The following PRKCA variants were observed in gnomAD, a reference collection of about 807,000 sequenced individuals.
The protein encoded by PRKCA is protein kinase C alpha.
A neutral mutation model predicts 87.0 loss-of-function variants in PRKCA; 27 were observed. The ratio of observed to expected loss-of-function variants is 0.31; its 90% CI spans 0.23 to 0.43. The LOEUF is 0.43. Ranked by LOEUF, PRKCA falls within the 20% of genes least tolerant of loss-of-function variation. The pLI, the probability that PRKCA is intolerant of heterozygous loss-of-function variation, is 1.00. For synonymous variants in PRKCA, 329 were observed against 311.1 expected, an observed-to-expected ratio of 1.06 and a Z score of -0.61; for missense variants, 518 against 852.3, an observed-to-expected ratio of 0.61 and a Z score of 4.88.
chr17:66,337,623 C>A (rs1238778325), intron 2 of PRKCA, among the ~76,000 whole-genome samples: 1 of 151,998 alleles, frequency 6.6e-6, no homozygotes, highest in Non-Finnish European at 1.5e-5. Flanking sequence ...CGGTCTTAAG[C>A]AATCCACCTG....
intron 5 of PRKCA, among the ~76,000 whole-genome samples, chr17:66,666,398 G>T (rs1972043946): frequency 6.6e-6 from 1 of 152,200 alleles, no homozygotes. Flanking sequence ...CTGTGTCATA[G>T]GCTCTGCTGA....
chr17:66,494,521 C>T (rs1326935578), intron 2 of PRKCA, among the ~76,000 whole-genome samples: 1 of 152,176 alleles, frequency 6.6e-6, no homozygotes, highest in East Asian at 1.9e-4. Flanking sequence ...AGGGCAAAGC[C>T]CTCATGGTGG....
rs561133219 is a variant in PRKCA, at chr17:66,574,385, T to C, written c.289-66970T>C. ...ACCTCTAACCCTCAGTCAGTCTCTA[T>C]ATTTTTAAATGGGGACGACAATAAT... On this transcript the variant is annotated intron_variant, in intron 3 of 16. Coordinates refer to ENST00000413366, the MANE Select transcript of PRKCA (RefSeq NM_002737.3). 2.0e-5 allele frequency among the ~76,000 whole-genome samples: 3 copies of C among 152,308 alleles called. No homozygotes were observed. The South Asian group carries it at 6.2e-4, about 32-fold the overall frequency.
chr17:66,664,652 T>TTG (rs1971998450), intron 5 of PRKCA, among the ~76,000 whole-genome samples: 1 of 127,604 alleles, frequency 7.8e-6, no homozygotes, highest in African/African-American at 3.7e-5. Flanking sequence ...CTTTGGTTTT[T>TTG]TTTTTTTTTT....
intron 2 of PRKCA, among the ~76,000 whole-genome samples, chr17:66,354,532 AC>A (rs1164477080): frequency 6.6e-6 from 1 of 151,288 alleles, no homozygotes; most frequent in African/African-American, 2.4e-5. Flanking sequence ...GAAGATTAAA[AC>A]CCCTCTTCAT....
chr17:66,695,629 G>A (rs926302288), intron 8 of PRKCA, among the ~76,000 whole-genome samples: 4 of 152,134 alleles, frequency 2.6e-5, no homozygotes, highest in African/African-American at 4.8e-5. Context: ...AGCTAAAAGC[G>A]CCTTGGCCTT....
intron 2 of PRKCA, among the ~76,000 whole-genome samples, chr17:66,311,751 A>G (rs1415761276): frequency 6.6e-6 from 1 of 152,154 alleles, no homozygotes; most frequent in Non-Finnish European, 1.5e-5. Context: ...ATTTGGTGCT[A>G]TATACTTGTT....
chr17:66,776,598 GCACCT>G (rs1975055756), intron 14 of PRKCA, among the ~76,000 whole-genome samples: 1 of 152,144 alleles, frequency 6.6e-6, no homozygotes, highest in South Asian at 2.1e-4. Context: ...ATGAGCCACT[GCACCT>G]GGCCTAAGAC....
At position 66,676,952 on chromosome 17, in the gene PRKCA, T is replaced by C. The variant is rs771949716; in HGVS notation, c.530-10159T>C. 7.2e-5 allele frequency among the ~76,000 whole-genome samples: 11 copies of C among 152,282 alleles called. No homozygotes were observed. In the South Asian group the frequency reaches 2.3e-3, roughly 32 times the overall value. Reference sequence around the variant, plus strand: ...CAAAGCAGAAGGAACCTAAGGGAAGTAGAGCGTCCTTTTTTGTGTCACTTT... The same window carrying C: ...CAAAGCAGAAGGAACCTAAGGGAAGCAGAGCGTCCTTTTTTGTGTCACTTT... On this transcript the variant is annotated intron_variant, in intron 5 of 16. Transcript: ENST00000413366.
chr17:66,708,392 C>T (rs1398773919), intron 8 of PRKCA, among the ~76,000 whole-genome samples: 1 of 151,244 alleles, frequency 6.6e-6, no homozygotes, highest in Admixed American at 6.6e-5. Flanking sequence ...AGGTGCTGTG[C>T]GTATCTGGGC....
At chr17:66,540,347 C>T (rs1967940861) in intron 3 of PRKCA, among the ~76,000 whole-genome samples, 2 of 152,128 alleles carry the variant, frequency 1.3e-5, no homozygotes, top group South Asian at 2.1e-4. Flanking sequence ...AAAGAGGGGG[C>T]GGAGAGGGAG....
At chr17:66,407,580 C>T (rs1911490924) in intron 2 of PRKCA, among the ~76,000 whole-genome samples, 1 of 152,036 alleles carries the variant, frequency 6.6e-6, no homozygotes, top group African/African-American at 2.4e-5. Context: ...GACTAATGCA[C>T]CATCTATGCA....
At chr17:66,626,528 A>ATTTTT (rs71160584) in intron 3 of PRKCA, among the ~76,000 whole-genome samples, 1 of 142,896 alleles carries the variant, frequency 7.0e-6, no homozygotes, top group Non-Finnish European at 1.5e-5. Context: ...AGCCCGGCTA[A>ATTTTT]TTTTTTTTTT....
chr17:66,347,898 C>G (rs915329952), intron 2 of PRKCA, among the ~76,000 whole-genome samples: 5 of 141,736 alleles, frequency 3.5e-5, no homozygotes, highest in African/African-American at 1.3e-4. Flanking sequence ...TGGAGTGTAG[C>G]CAAATGCTTT....
intron 2 of PRKCA, among the ~76,000 whole-genome samples, chr17:66,364,555 G>A (rs920931747): frequency 4.6e-5 from 7 of 152,178 alleles, no homozygotes; most frequent in Non-Finnish European, 7.3e-5. Flanking sequence ...GAACAGAGAC[G>A]TGGAGGCCGG....
At position 66,375,824 on chromosome 17, in the gene PRKCA, A is replaced by G. The variant is rs1028742308; in HGVS notation, c.205+69697A>G. 2.8e-4 allele frequency among the ~76,000 whole-genome samples: 43 copies of G among 152,168 alleles called. 1 individual carries two copies. Among genetic ancestry groups the G allele is most frequent in the African/African-American group, 9.2e-4 (38 of 41,446 alleles). ...TCACAGCTCCTGGCCAGCCCTGTCC[A>G]TAGGAGCCATATGGACCCGGCATGT... On this transcript the variant is annotated intron_variant, in intron 2 of 16. Transcript: ENST00000413366.
At chr17:66,708,845 G>T (rs1973251091) in intron 8 of PRKCA, among the ~76,000 whole-genome samples, 1 of 152,168 alleles carries the variant, frequency 6.6e-6, no homozygotes, top group Admixed American at 6.5e-5. Context: ...GCTATTGTTA[G>T]TTCCCTTTAA....
chr17:66,372,504 G>A (rs1909175861), intron 2 of PRKCA, among the ~76,000 whole-genome samples: 1 of 152,148 alleles, frequency 6.6e-6, no homozygotes, highest in African/African-American at 2.4e-5. Flanking sequence ...CAAAATTTAA[G>A]AAACTTTTAT....
At chr17:66,392,799 G>C (rs1458926114) in intron 2 of PRKCA, among the ~76,000 whole-genome samples, 2 of 152,098 alleles carry the variant, frequency 1.3e-5, no homozygotes, top group East Asian at 3.8e-4. Context: ...AGAAAGTATA[G>C]GCCATTCTAA....
Sources: gnomAD v4.1 joint callset for allele counts (sites outside exome capture counted in the v4.1 genomes callset) on GRCh38, gnomAD v4.1.1 for gene constraint, MANE v1.5 for transcripts, NCBI Gene and HGNC (gene_info 2026-07-23, HGNC 2026-07-21) for gene names.